The following EML4 variants were observed in gnomAD, a reference collection of about 807,000 sequenced individuals.
EML4 encodes the protein EMAP like 4.
In EML4, 72 loss-of-function variants were observed where a neutral mutation model predicts 129.0. The ratio of observed to expected loss-of-function variants is 0.56; its 90% CI spans 0.46 to 0.68. The LOEUF (loss-of-function observed/expected upper bound fraction) is 0.68, where lower values mean the gene tolerates loss of function less well. Among genes scored for constraint, EML4 ranks in the 30% least tolerant of loss-of-function variants. EML4 has a pLI of 0.00. For missense variants in EML4, 1,363 were observed against 1,190.6 expected, an observed-to-expected ratio of 1.14 and a Z score of -2.13; for synonymous variants, 532 against 405.0, an observed-to-expected ratio of 1.31 and a Z score of -3.77.
intron 1 of EML4, among the ~76,000 whole-genome samples, chr2:42,176,416 A>AT: frequency 6.6e-6 from 1 of 152,140 alleles, no homozygotes; most frequent in Admixed American, 6.5e-5. Context: ...ACCCTCTCAG[A>AT]TTGCTTCATT....
chr2:42,270,521 C>T (rs1453168561), intron 6 of EML4, among the ~76,000 whole-genome samples: 1 of 152,130 alleles, frequency 6.6e-6, no homozygotes, highest in Non-Finnish European at 1.5e-5. Flanking sequence ...TGTTTTCTGA[C>T]CTTTTGGCTC....
intron 11 of EML4, among the ~76,000 whole-genome samples, chr2:42,294,613 T>C (rs1242400165): frequency 6.6e-6 from 1 of 152,050 alleles, no homozygotes; most frequent in Non-Finnish European, 1.5e-5. Flanking sequence ...GGAGAACCAC[T>C]TGAACTCCGG....
chr2:42,326,402 G>T (rs1035366068), intron 21 of EML4, 150 bp downstream of exon 21: 2 of 587,418 alleles, frequency 3.4e-6, no homozygotes, highest in Non-Finnish European at 2.9e-6. Flanking sequence ...AATGTATTAG[G>T]ATTGAACCAA....
chr2:42,221,478 T>C (rs1314925368), intron 1 of EML4, among the ~76,000 whole-genome samples: 3 of 147,568 alleles, frequency 2.0e-5, no homozygotes, highest in African/African-American at 7.4e-5. Context: ...AGTGCTATCA[T>C]GGCTCACTGC....
chr2:42,303,548 A>T, intron 16 of EML4, 102 bp downstream of exon 16: 22 of 1,239,526 alleles, frequency 1.8e-5, no homozygotes, highest in Non-Finnish European at 2.4e-5. Flanking sequence ...ATTCAAACCA[A>T]ATGTAAACAT....
In EML4 at chr2:42,288,210, G is replaced by C. The variant is rs369446476; in HGVS notation, c.1123-17G>C. 4.2e-5 allele frequency: 48 copies of C among 1,134,882 alleles called. No homozygotes were observed. Among genetic ancestry groups the C allele is most frequent in the Non-Finnish European group, 5.8e-5 (45 of 780,238 alleles). The allele number at this position is 1,134,882 out of a possible 1,614,324, so 70.3% of individuals were successfully genotyped here. On this transcript the variant is annotated splice_polypyrimidine_tract_variant and intron_variant, in intron 10 of 22. Coordinates refer to ENST00000318522, the MANE Select transcript of EML4 (RefSeq NM_019063.5). ...TATCAGTGAATTTTAAAATGCCTCT[G>C]ATTGACTTTTCTTTAGGATTCAGGT...
In EML4 at chr2:42,223,056, C is replaced by T. The variant is rs531579361; in HGVS notation, c.26-22449C>T. ...CCTCGTGATCCGCCCTCCACCCCTT[C>T]GGCCTCCCAAAGTGCTGGGATTACA... On this transcript the variant is annotated intron_variant, in intron 1 of 22. Transcript: ENST00000318522. Among the ~76,000 whole-genome samples, 11 of 152,098 alleles carry T rather than the reference C, an allele frequency of 7.2e-5. No homozygotes were observed. In the East Asian group the frequency reaches 7.7e-4, roughly 11 times the overall value.
chr2:42,264,103 G>GGTTT (rs1324184671), intron 5 of EML4, among the ~76,000 whole-genome samples: 37 of 100,750 alleles, frequency 3.7e-4, no homozygotes, highest in Non-Finnish European at 6.8e-4. Context: ...AACAATACGT[G>GGTTT]TTTTTTTTTT....
intron 1 of EML4, among the ~76,000 whole-genome samples, chr2:42,234,630 AT>A (rs1446571013): frequency 6.6e-6 from 1 of 152,242 alleles, no homozygotes; most frequent in African/African-American, 2.4e-5. Flanking sequence ...ACACACTTGT[AT>A]AAAGTACTTA....
chr2:42,274,937 TCTTC>T (rs1666576847), intron 6 of EML4, among the ~76,000 whole-genome samples: 1 of 152,208 alleles, frequency 6.6e-6, no homozygotes, highest in African/African-American at 2.4e-5. Context: ...AGCAGAAACA[TCTTC>T]CTCTTCTACT....
At chr2:42,241,425 A>G (rs750737909) in intron 1 of EML4, among the ~76,000 whole-genome samples, 18 of 152,188 alleles carry the variant, frequency 1.2e-4, no homozygotes, top group Non-Finnish European at 2.1e-4. Context: ...AAGAGGGGGC[A>G]TTATGATAAT....
chr2:42,317,520 G>C lies in EML4; in HGVS notation c.2150G>C (p.Cys717Ser). 6.3e-7 allele frequency: 1 copy of C among 1,595,990 alleles called. No individual in the cohort carries two copies. ...AGAAAATATAGCAGATATGGAAGGT[G>C]CACTGTAAGTAGTGAAGTAGAACAA... ...NGRKYSRYGR[C>S]TGHSSYITHL... Residue 717 changes from cysteine to serine, a missense_variant, in exon 19 of 23, where the codon TGC (cysteine) becomes TCC (serine). Physicochemically the swap from Cys to Ser is moderately radical, Grantham distance 112. Transcript: ENST00000318522.
chr2:42,303,511 C>T, intron 16 of EML4, 65 bp downstream of exon 16: 1 of 1,553,398 alleles, frequency 6.4e-7, no homozygotes, highest in African/African-American at 1.4e-5. Flanking sequence ...CAGTTGAGAG[C>T]AGCAAAGTAA....
rs1426546644 is a variant in EML4 at position 42,288,161 on chromosome 2, ATTTC to A, written c.1123-59_1123-56del. 8 of 670,620 alleles carry A rather than the reference ATTTC, an allele frequency of 1.2e-5. No homozygotes were observed. The East Asian group carries it at 1.7e-4, about 14-fold the overall frequency. 41.5% of individuals were successfully genotyped at this position (670,620 alleles called of 1,614,324 possible). On this transcript the variant is annotated intron_variant, in intron 10 of 22. Coordinates refer to ENST00000318522, the MANE Select transcript of EML4 (RefSeq NM_019063.5). ...CTATTTGCAGTTTTAATAAGATGGT[ATTTC>A]TTTCTTAGAATGTTAGCCCTATCAG...
chr2:42,216,721 G>A (rs988010974), intron 1 of EML4, among the ~76,000 whole-genome samples: 4 of 152,164 alleles, frequency 2.6e-5, no homozygotes, highest in African/African-American at 9.7e-5. Flanking sequence ...AACAATGAGT[G>A]CTTGCTATTT....
chr2:42,306,519 G>T, intron 17 of EML4, among the ~76,000 whole-genome samples: 1 of 73,106 alleles, frequency 1.4e-5, no homozygotes. Flanking sequence ...TTGAGATAGA[G>T]TCTCGCTCTG....
At position 42,330,466 on chromosome 2, in the gene EML4, G is replaced by T; in HGVS notation, c.*259G>T. 1.8e-6 allele frequency: 1 copy of T among 556,310 alleles called. No individual in the cohort carries two copies. Among genetic ancestry groups the T allele is most frequent in the Non-Finnish European group, 3.2e-6 (1 of 307,792 alleles). The allele number at this position is 556,310 out of a possible 1,614,324, so 34.5% of individuals were successfully genotyped here. A position where few individuals can be genotyped will look rare whatever the true frequency, so the allele number is the denominator to read the frequency against. ...TTAATGATGTCTCACAAATTACTGT[G>T]TACCTAAGTGGTGTGATGTAAATAC... is the stretch of plus-strand genomic sequence containing the variant. On this transcript the variant is annotated 3_prime_UTR_variant, in exon 23 of 23. Transcript: ENST00000318522.
At position 42,324,754 on chromosome 2, in the gene EML4, T is replaced by G. The variant is rs926996542; in HGVS notation, c.2155-713T>G. Reference sequence around the variant, plus strand: ...GATCTGTGTAATTTATCTGAAATAGTTTATTGGAAATGCTTAAGTGCTTAT... The same window carrying G: ...GATCTGTGTAATTTATCTGAAATAGGTTATTGGAAATGCTTAAGTGCTTAT... On this transcript the variant is annotated intron_variant, in intron 19 of 22. Coordinates refer to ENST00000318522, the MANE Select transcript of EML4 (RefSeq NM_019063.5). Among the ~76,000 whole-genome samples, 11 of 152,338 alleles carry G rather than the reference T, an allele frequency of 7.2e-5. No homozygotes were observed. In the South Asian group the frequency reaches 2.3e-3, roughly 32 times the overall value.
At chr2:42,261,686 G>C (rs1166296098) in intron 4 of EML4, among the ~76,000 whole-genome samples, 1 of 152,020 alleles carries the variant, frequency 6.6e-6, no homozygotes, top group Non-Finnish European at 1.5e-5. Context: ...CTGTATTTTG[G>C]CATCATTACA....
Sources: gnomAD v4.1 joint callset for allele counts (sites outside exome capture counted in the v4.1 genomes callset) on GRCh38, gnomAD v4.1.1 for gene constraint, MANE v1.5 for transcripts, NCBI Gene and HGNC (gene_info 2026-07-23, HGNC 2026-07-21) for gene names.